IGSF11: variants seen among roughly 807,000 people sequenced by gnomAD.
The protein encoded by IGSF11 is CXADR like 1.
Under a neutral mutation model 41.0 loss-of-function variants are expected in IGSF11, and 22 were observed. That is an observed-to-expected ratio of 0.54 (90% CI 0.38 to 0.77). The LOEUF is 0.77. Ranked by LOEUF, IGSF11 falls within the 30% of genes least tolerant of loss-of-function variation. The probability of loss-of-function intolerance (pLI) is 0.00; values close to 1 mark genes in which losing one functional copy is unlikely to be tolerated. For missense variants in IGSF11, 444 were observed against 530.8 expected (o/e 0.84, Z 1.61); for synonymous variants, 219 against 201.3 (o/e 1.09, Z -0.74).
At chr3:119,101,838 T>C (rs528393537) in intron 1 of IGSF11, among the ~76,000 whole-genome samples, 1 of 152,362 alleles carries the variant, frequency 6.6e-6, no homozygotes, top group Admixed American at 6.5e-5. Flanking sequence ...AATGATTAAA[T>C]AAATTAGTCT....
In IGSF11 at chr3:118,901,981, A is replaced by G. The variant is rs2107458614; in HGVS notation, c.*539T>C. The G allele has an allele frequency of 6.6e-6, 1 of 152,374 alleles. No individual in the cohort carries two copies. The highest frequency in any genetic ancestry group is 1.9e-4 in the East Asian group (1 of 5,188). The allele number at this position is 152,374 out of a possible 1,614,324, so 9.4% of individuals were successfully genotyped here. A position where few individuals can be genotyped will look rare whatever the true frequency, so the allele number is the denominator to read the frequency against. On this transcript the variant is annotated 3_prime_UTR_variant, in exon 7 of 7. Transcript: ENST00000393775. ...CCCCATTTCTTACTGAATTTTGCTCATGTAAAAAGTTTTGATTATATGATA... is the reference window on the plus strand; with the variant it reads ...CCCCATTTCTTACTGAATTTTGCTCGTGTAAAAAGTTTTGATTATATGATA...
intron 4 of IGSF11, among the ~76,000 whole-genome samples, chr3:118,909,229 CTT>C (rs898562242): frequency 1.2e-4 from 18 of 152,060 alleles, no homozygotes; most frequent in East Asian, 3.9e-4. Context: ...TTTCATATGA[CTT>C]ATATATTTTA....
chr3:119,034,565 G>A lies in IGSF11; in HGVS notation c.18C>T (p.Ser6=), dbSNP rs1332222716. 6.9e-6 allele frequency: 11 copies of A among 1,592,350 alleles called. No homozygotes were observed. The highest frequency in any genetic ancestry group is 2.3e-5 in the South Asian group (2 of 87,544). The change falls in exon 1 of 7, where the codon TCC becomes TCT. Residue 6 remains serine, a synonymous_variant. Coordinates refer to ENST00000393775, the MANE Select transcript of IGSF11 (RefSeq NM_001015887.3). ...AGAGGAGCAGCAAAGGCGCCAGAGGGGAACGCTGAGAAGTCATCCCGGGGC... is the reference window on the plus strand; with the variant it reads ...AGAGGAGCAGCAAAGGCGCCAGAGGAGAACGCTGAGAAGTCATCCCGGGGC... MTSQR[S]PLAPLLLLSL...
intron 1 of IGSF11, among the ~76,000 whole-genome samples, chr3:118,999,363 G>A (rs1451848454): frequency 6.6e-6 from 1 of 152,084 alleles, no homozygotes; most frequent in East Asian, 1.9e-4. Context: ...TAATTACACA[G>A]ATAAAACCAA....
chr3:119,027,751 T>C (rs1240277011), intron 1 of IGSF11, among the ~76,000 whole-genome samples: 1 of 152,206 alleles, frequency 6.6e-6, no homozygotes, highest in Non-Finnish European at 1.5e-5. Context: ...CCAGGAAGTT[T>C]AAGAATCTTT....
At chr3:119,083,795 A>G (rs562691155) in intron 1 of IGSF11, among the ~76,000 whole-genome samples, 2 of 152,324 alleles carry the variant, frequency 1.3e-5, no homozygotes, top group South Asian at 4.1e-4. Flanking sequence ...ATAAACTACT[A>G]AGGTAATTGT....
Position 119,034,704 on chromosome 3 carries a change from CTGT to C in IGSF11, c.-125_-123del. On this transcript the variant is annotated 5_prime_UTR_variant, in exon 1 of 7. Coordinates refer to ENST00000393775, the MANE Select transcript of IGSF11 (RefSeq NM_001015887.3). ...TCCTCCCACACCCAGCGCCGGGCCG[CTGT>C]TCCCCGCGCAGAGCTGGGACTGTCA... is the stretch of plus-strand genomic sequence containing the variant. 1 of 1,387,914 alleles carries C rather than the reference CTGT, an allele frequency of 7.2e-7. No homozygotes were observed. The highest frequency in any genetic ancestry group is 9.4e-7 in the Non-Finnish European group (1 of 1,065,602). 86.0% of individuals were successfully genotyped at this position (1,387,914 alleles called of 1,614,324 possible). A position where few individuals can be genotyped will look rare whatever the true frequency, so the allele number is the denominator to read the frequency against.
At chr3:119,071,262 T>C (rs943059973) in intron 1 of IGSF11, among the ~76,000 whole-genome samples, 56 of 152,236 alleles carry the variant, frequency 3.7e-4, no homozygotes, top group African/African-American at 1.4e-3. Context: ...TAATTATTTA[T>C]TCCCATTCTG....
At chr3:119,112,184 C>A (rs2107521143) in intron 1 of IGSF11, among the ~76,000 whole-genome samples, 1 of 152,342 alleles carries the variant, frequency 6.6e-6, no homozygotes, top group South Asian at 2.1e-4. Flanking sequence ...TTGTCTGTGC[C>A]CTGCCCCCAG....
intron 1 of IGSF11, among the ~76,000 whole-genome samples, chr3:119,075,496 T>C (rs1342075497): frequency 6.6e-6 from 1 of 152,126 alleles, no homozygotes; most frequent in Non-Finnish European, 1.5e-5. Flanking sequence ...ATCATTCTTA[T>C]ACCAAACCTA....
chr3:119,063,654 T>C (rs182779599), intron 1 of IGSF11, among the ~76,000 whole-genome samples: 23 of 152,334 alleles, frequency 1.5e-4, no homozygotes, highest in Admixed American at 1.2e-3. Flanking sequence ...TTATAGTGTA[T>C]AGTTTTGTTT....
At position 118,914,652 on chromosome 3, in the gene IGSF11, AC is replaced by A. The variant is rs1424183046; in HGVS notation, c.581-8935del. 2.0e-5 allele frequency among the ~76,000 whole-genome samples: 3 copies of A among 147,562 alleles called. No individual in the cohort carries two copies. In the East Asian group the frequency reaches 6.0e-4, roughly 30 times the overall value. On this transcript the variant is annotated intron_variant, in intron 4 of 6. Coordinates refer to ENST00000393775, the MANE Select transcript of IGSF11 (RefSeq NM_001015887.3). Reference sequence around the variant, plus strand: ...TGCTAGCACAGCAGTCTGAGATCAAACTGCAAGGCGGCAGCGAGGCTGGGGG... The same window carrying A: ...TGCTAGCACAGCAGTCTGAGATCAAATGCAAGGCGGCAGCGAGGCTGGGGG...
chr3:118,983,562 C>G (rs567522377), intron 1 of IGSF11: 3 of 152,272 alleles, frequency 2.0e-5, no homozygotes, highest in African/African-American at 7.2e-5. Context: ...CCTCCTATCA[C>G]CCAGGCACCA....
intron 1 of IGSF11, among the ~76,000 whole-genome samples, chr3:119,104,729 T>G (rs766003340): frequency 6.6e-6 from 1 of 152,158 alleles, no homozygotes. Flanking sequence ...AAACTGACTA[T>G]ACATTTTACT....
At chr3:119,074,630 T>C (rs2076461064) in intron 1 of IGSF11, among the ~76,000 whole-genome samples, 1 of 148,174 alleles carries the variant, frequency 6.7e-6, no homozygotes, top group African/African-American at 2.5e-5. Flanking sequence ...CCGAGGCAGG[T>C]GGATCACAAG....
rs369198347 is a variant in IGSF11, at chr3:118,986,510, A to G, written c.52+48021T>C. On this transcript the variant is annotated intron_variant, in intron 1 of 6. Coordinates refer to ENST00000393775, the MANE Select transcript of IGSF11 (RefSeq NM_001015887.3). The stretch of plus-strand genomic sequence containing the variant: ...GAATTTATAGTAAATAATAATTTGT[A>G]TGCTCAATTTAACAGGAAAATGGAA... 5.0e-4 allele frequency among the ~76,000 whole-genome samples: 76 copies of G among 152,340 alleles called. 1 individual carries two copies. Among genetic ancestry groups the G allele is most frequent in the African/African-American group, 1.8e-3 (75 of 41,586 alleles).
At chr3:119,010,445 G>A (rs1356373941) in intron 1 of IGSF11, among the ~76,000 whole-genome samples, 1 of 152,226 alleles carries the variant, frequency 6.6e-6, no homozygotes, top group African/African-American at 2.4e-5. Context: ...GTATCTCTGA[G>A]GGTGTTTCTG....
intron 1 of IGSF11, among the ~76,000 whole-genome samples, chr3:119,002,248 T>C (rs1282037537): frequency 1.3e-4 from 18 of 142,134 alleles, no homozygotes; most frequent in Admixed American, 3.5e-4. Flanking sequence ...TTTCATGTGT[T>C]TTTTGGCTGC....
At chr3:118,961,089 C>T (rs1197619974) in intron 1 of IGSF11, among the ~76,000 whole-genome samples, 1 of 152,190 alleles carries the variant, frequency 6.6e-6, no homozygotes, top group Non-Finnish European at 1.5e-5. Flanking sequence ...TTAAAAGACA[C>T]AATCTGTAAA....
Sources: gnomAD v4.1 joint callset for allele counts (sites outside exome capture counted in the v4.1 genomes callset) on GRCh38, gnomAD v4.1.1 for gene constraint, MANE v1.5 for transcripts, NCBI Gene and HGNC (gene_info 2026-07-23, HGNC 2026-07-21) for gene names.